ANKRD30B: variants seen among roughly 807,000 people sequenced by gnomAD.
ANKRD30B encodes ankyrin repeat domain-containing protein 30B.
ANKRD30B carries 144 observed loss-of-function variants against 202.2 expected under a neutral mutation model. The observed-to-expected ratio is 0.71, with a 90% CI of 0.62 to 0.82. ANKRD30B has a LOEUF of 0.82. ANKRD30B is among the 40% of genes least tolerant of loss of function. The pLI is 0.00. For missense variants in ANKRD30B, 1,487 were observed against 1,669.1 expected, an observed-to-expected ratio of 0.89 and a Z score of 1.90; for synonymous variants, 508 against 561.3, an observed-to-expected ratio of 0.91 and a Z score of 1.34.
the ANKRD30B span, among the ~76,000 whole-genome samples, chr18:14,934,210 GC>G: frequency 6.6e-6 from 1 of 152,258 alleles, no homozygotes; most frequent in Non-Finnish European, 1.5e-5. Flanking sequence ...CCTGAGCCTG[GC>G]CTGGAAGGCA....
chr18:14,753,493 A>G (rs1191405272), intron 3 of ANKRD30B, among the ~76,000 whole-genome samples: 1 of 152,168 alleles, frequency 6.6e-6, no homozygotes, highest in Non-Finnish European at 1.5e-5. Flanking sequence ...CCACCTAGTT[A>G]CATCACTTAC....
the ANKRD30B span, among the ~76,000 whole-genome samples, chr18:14,863,836 AC>A: frequency 6.6e-6 from 1 of 150,474 alleles, no homozygotes; most frequent in East Asian, 1.9e-4. Context: ...TATCTGATGA[AC>A]ATAGATGCAA....
chr18:14,932,398 G>A, the ANKRD30B span, among the ~76,000 whole-genome samples: 21,190 of 151,982 alleles, frequency 0.14, 1,625 homozygotes, highest in Non-Finnish European at 0.19. Context: ...GTGGCGTGGC[G>A]CGATCTCGGC....
chr18:14,791,469 T>C lies in ANKRD30B; in HGVS notation c.1803T>C (p.Asp601=), dbSNP rs749990616. The C allele has an allele frequency of 1.1e-5, 17 of 1,610,150 alleles. No individual in the cohort carries two copies. The African/African-American group carries it at 1.9e-4, about 18-fold the overall frequency. Residue 601 remains aspartate (D), a synonymous_variant, in exon 16 of 44, where the codon GAT becomes GAC. Transcript: ENST00000690538. ...AAGCTACACATCAAAAAGAATTCGATACCTTAAGTGGAAAATTAGAAGGTA... is the reference window on the plus strand; with the variant it reads ...AAGCTACACATCAAAAAGAATTCGACACCTTAAGTGGAAAATTAGAAGGTA... ...LPKATHQKEF[D]TLSGKLEESP...
chr18:14,860,552 C>T, the ANKRD30B span, among the ~76,000 whole-genome samples: 3 of 148,996 alleles, frequency 2.0e-5, no homozygotes, highest in Admixed American at 6.8e-5. Flanking sequence ...CGGGCAGAGG[C>T]GTTACTCACC....
the ANKRD30B span, among the ~76,000 whole-genome samples, chr18:14,863,979 C>T: frequency 6.6e-6 from 1 of 151,564 alleles, no homozygotes; most frequent in Non-Finnish European, 1.5e-5. Flanking sequence ...TGTGATTTAC[C>T]ATATAAACAG....
intron 6 of ANKRD30B, among the ~76,000 whole-genome samples, chr18:14,762,466 G>A (rs1329167403): frequency 6.6e-6 from 1 of 152,132 alleles, no homozygotes; most frequent in Non-Finnish European, 1.5e-5. Flanking sequence ...ATTCTTTGTT[G>A]AGAAGCGCAG....
At chr18:14,918,255 G>A in the ANKRD30B span, among the ~76,000 whole-genome samples, 1 of 152,058 alleles carries the variant, frequency 6.6e-6, no homozygotes. Context: ...ATTCTCCTGA[G>A]ACATGCTCAG....
the ANKRD30B span, among the ~76,000 whole-genome samples, chr18:14,873,804 C>T: frequency 5.3e-5 from 8 of 152,042 alleles, no homozygotes; most frequent in African/African-American, 1.9e-4. Context: ...CTGTGGGCAG[C>T]AGAGAACCAC....
intron 30 of ANKRD30B, among the ~76,000 whole-genome samples, chr18:14,820,428 C>G (rs1970355341): frequency 6.6e-6 from 1 of 152,190 alleles, no homozygotes; most frequent in Admixed American, 6.5e-5. Context: ...AGAGGGCATC[C>G]CTGTATTGTG....
intron 24 of ANKRD30B, among the ~76,000 whole-genome samples, chr18:14,804,540 C>T (rs1385922695): frequency 3.3e-5 from 5 of 150,280 alleles, no homozygotes; most frequent in Non-Finnish European, 1.5e-5. Context: ...AGTTGTCAGG[C>T]GATGCTGATG....
chr18:14,794,708 C>A (rs182286637), intron 16 of ANKRD30B, among the ~76,000 whole-genome samples: 2 of 152,260 alleles, frequency 1.3e-5, no homozygotes, highest in East Asian at 3.9e-4. Flanking sequence ...CACATACCTG[C>A]AACACGGTCA....
chr18:14,931,816 C>T, the ANKRD30B span, among the ~76,000 whole-genome samples: 1 of 150,398 alleles, frequency 6.6e-6, no homozygotes, highest in Admixed American at 6.6e-5. Flanking sequence ...GGATGGAGTC[C>T]TGAACAGAGA....
intron 16 of ANKRD30B, among the ~76,000 whole-genome samples, chr18:14,795,434 A>G (rs1298107596): frequency 2.6e-5 from 4 of 152,154 alleles, no homozygotes; most frequent in Admixed American, 2.6e-4. Context: ...TGGCCTTGAG[A>G]GATCCGCCCT....
chr18:14,767,264 T>C (rs1184452293), intron 7 of ANKRD30B, among the ~76,000 whole-genome samples: 1 of 152,182 alleles, frequency 6.6e-6, no homozygotes, highest in Non-Finnish European at 1.5e-5. Context: ...TAATTCACCC[T>C]TATCCATGGG....
At chr18:14,831,181 G>GTAAAAAAAAAA (rs1267118242) in intron 33 of ANKRD30B, among the ~76,000 whole-genome samples, 2 of 52,358 alleles carry the variant, frequency 3.8e-5, no homozygotes, top group African/African-American at 7.5e-5. Context: ...CTCCGTCTCG[G>GTAAAAAAAAAA]AAAAAAAAAA....
chr18:14,807,140 A>T (rs1969573350), intron 24 of ANKRD30B, among the ~76,000 whole-genome samples: 1 of 151,010 alleles, frequency 6.6e-6, no homozygotes. Context: ...CTGATCAATC[A>T]ACTCCAAAGG....
chr18:14,846,068 ATTTT>A (rs56892007), intron 39 of ANKRD30B, among the ~76,000 whole-genome samples: 5 of 147,028 alleles, frequency 3.4e-5, no homozygotes, highest in Admixed American at 6.8e-5. Context: ...TTACTTTCTT[ATTTT>A]TTTTTTTTTT....
chr18:14,911,683 G>A, the ANKRD30B span, among the ~76,000 whole-genome samples: 1 of 151,958 alleles, frequency 6.6e-6, no homozygotes, highest in Non-Finnish European at 1.5e-5. Context: ...AATTTAATAG[G>A]AATTAAATTG....
Sources: allele counts gnomAD v4.1 joint callset (sites outside exome capture counted in the v4.1 genomes callset), GRCh38; gene constraint gnomAD v4.1.1; transcripts MANE v1.5; gene names NCBI Gene and HGNC (gene_info 2026-07-23, HGNC 2026-07-21).